The following HHIPL2 variants were observed in gnomAD, a reference collection of about 807,000 sequenced individuals.
HHIPL2 encodes HHIP-like protein 2.
A neutral mutation model predicts 61.0 loss-of-function variants in HHIPL2; 61 were observed. The observed-to-expected ratio is 1.00, with a 90% CI of 0.81 to 1.24. The LOEUF is 1.24. Among genes scored for constraint, HHIPL2 ranks in the 50% most tolerant of loss-of-function variants. HHIPL2 has a pLI of 0.00. For missense variants in HHIPL2, 885 were observed against 910.2 expected (o/e 0.97, Z 0.36); for synonymous variants, 343 against 357.4 (o/e 0.96, Z 0.45).
intron 6 of HHIPL2, 65 bp from the exon 7 acceptor site, chr1:222,527,115 T>C: frequency 7.8e-7 from 1 of 1,285,074 alleles, no homozygotes; most frequent in Non-Finnish European, 1.1e-6. Context: ...CAGAGTTGGA[T>C]GCACAGAAAA....
In HHIPL2 at chr1:222,526,959, C is replaced by G; in HGVS notation, c.1805+10G>C. 6.2e-7 allele frequency: 1 copy of G among 1,606,708 alleles called. No individual in the cohort carries two copies. The highest frequency in any genetic ancestry group is 8.5e-7 in the Non-Finnish European group (1 of 1,174,606). ...AATGCATTTGAGAAGAAAATGACAT[C>G]AAATCTCACCTTGAGGGGTCAACAA... On this transcript the variant is annotated intron_variant, in intron 7 of 8. Transcript: ENST00000343410.
intron 5 of HHIPL2, among the ~76,000 whole-genome samples, chr1:222,537,451 T>G (rs567759542): frequency 1.7e-4 from 25 of 148,308 alleles, no homozygotes; most frequent in African/African-American, 6.2e-4. Flanking sequence ...AGGCTTCAAT[T>G]CAAAAAAAAA....
intron 3 of HHIPL2, among the ~76,000 whole-genome samples, chr1:222,541,232 A>G (rs1659425803): frequency 2.0e-5 from 3 of 152,168 alleles, no homozygotes. Context: ...CAATATTTTT[A>G]TTACTAGGAA....
At chr1:222,541,391 T>C (rs898596936) in intron 3 of HHIPL2, among the ~76,000 whole-genome samples, 3 of 152,174 alleles carry the variant, frequency 2.0e-5, no homozygotes, top group African/African-American at 7.2e-5. Flanking sequence ...CCTCTGTGTC[T>C]CCATTTTCTT....
At chr1:222,532,392 C>A (rs1217520733) in intron 5 of HHIPL2, among the ~76,000 whole-genome samples, 2 of 152,162 alleles carry the variant, frequency 1.3e-5, no homozygotes, top group Non-Finnish European at 2.9e-5. Context: ...GCAGGCAGAT[C>A]ACTTGAGGTC....
Position 222,522,852 on chromosome 1 carries a change from T to C in HHIPL2, c.1924A>G (p.Lys642Glu). 1 of 1,614,216 alleles carries C rather than the reference T, an allele frequency of 6.2e-7. No individual in the cohort carries two copies. ...GCACTGGAAGATTTTCTAGCAGCTT[T>C]CTCTGATTGTTCCTTTAGCAAGTCC... ...VLDLLKEQSE[K>E]AARKSSSATL... The change falls in exon 9 of 9, where the codon AAA (lysine) becomes GAA (glutamate). Residue 642 changes from lysine (K) to glutamate (E), a missense_variant. Transcript: ENST00000343410.
chr1:222,525,975 G>A (rs1231991191), intron 7 of HHIPL2, among the ~76,000 whole-genome samples: 2 of 151,812 alleles, frequency 1.3e-5, no homozygotes, highest in African/African-American at 2.4e-5. Flanking sequence ...GTCCAGCCTG[G>A]GAAACAGAGT....
chr1:222,546,786 C>T (rs572279120), intron 1 of HHIPL2, among the ~76,000 whole-genome samples: 1 of 152,298 alleles, frequency 6.6e-6, no homozygotes, highest in East Asian at 1.9e-4. Flanking sequence ...CTCGGTTAAC[C>T]ACTTCACGCC....
intron 6 of HHIPL2, among the ~76,000 whole-genome samples, chr1:222,527,934 C>G (rs1278768346): frequency 1.3e-5 from 2 of 152,134 alleles, no homozygotes; most frequent in Non-Finnish European, 2.9e-5. Flanking sequence ...GTCCACTAAG[C>G]CTCTTTTTCT....
At chr1:222,538,195 GGTGTGTGTGTGTGTGTGTGTGTGT>G (rs373452655) in intron 5 of HHIPL2, among the ~76,000 whole-genome samples, 4 of 136,366 alleles carry the variant, frequency 2.9e-5, no homozygotes, top group East Asian at 2.1e-4. Flanking sequence ...CTCTGGCTGG[GGTGTGTGTGTGTGTGTGTGTGTGT>G]GTGTGTGTGT....
intron 3 of HHIPL2, 121 bp from the exon 4 acceptor site, chr1:222,540,462 G>A: frequency 1.4e-6 from 1 of 739,466 alleles, no homozygotes. Context: ...GATCCCATGG[G>A]AAGATTTGAC....
At chr1:222,538,423 C>T (rs67188853) in intron 5 of HHIPL2, among the ~76,000 whole-genome samples, 7,212 of 146,938 alleles carry the variant, frequency 0.049, 583 homozygotes, top group African/African-American at 0.15. Flanking sequence ...GAGAGAGAGA[C>T]AGAGAGAGAG....
chr1:222,526,790 C>T (rs566137740), intron 7 of HHIPL2, among the ~76,000 whole-genome samples, 179 bp downstream of exon 7: 4 of 151,708 alleles, frequency 2.6e-5, no homozygotes, highest in African/African-American at 7.3e-5. Flanking sequence ...GCAAAGAGAC[C>T]GTTTCCCAAG....
chr1:222,545,995 AG>A (rs1225149915), intron 1 of HHIPL2, among the ~76,000 whole-genome samples: 1 of 152,076 alleles, frequency 6.6e-6, no homozygotes, highest in East Asian at 1.9e-4. Context: ...TAGTCAGCCA[AG>A]ACCGTGCCAC....
chr1:222,536,528 C>A (rs1659305711), intron 5 of HHIPL2, among the ~76,000 whole-genome samples: 1 of 152,140 alleles, frequency 6.6e-6, no homozygotes, highest in Admixed American at 6.5e-5. Context: ...AAACTTCAGG[C>A]CCAGATGGTT....
chr1:222,525,292 G>T lies in HHIPL2; in HGVS notation c.1806-1598C>A, dbSNP rs146341753. On this transcript the variant is annotated intron_variant, in intron 7 of 8. Transcript: ENST00000343410. ...AAAGAGAACTCCCCACCAAGGCATCGTCAACCATCAGAAGCACTTTAAAGA... is the reference window on the plus strand; with the variant it reads ...AAAGAGAACTCCCCACCAAGGCATCTTCAACCATCAGAAGCACTTTAAAGA... The T allele has an allele frequency of 2.0e-5, 3 of 152,254 alleles. No individual in the cohort carries two copies. In the South Asian group the frequency reaches 6.2e-4, roughly 32 times the overall value. The allele number at this position is 152,254 out of a possible 1,614,324, so 9.4% of individuals were successfully genotyped here.
At chr1:222,528,312 T>C (rs529831065) in intron 6 of HHIPL2, among the ~76,000 whole-genome samples, 2 of 152,268 alleles carry the variant, frequency 1.3e-5, no homozygotes, top group South Asian at 2.1e-4. Flanking sequence ...AATTAGAAAG[T>C]GTTAGATAAC....
chr1:222,523,275 T>G (rs1444680351), intron 8 of HHIPL2, among the ~76,000 whole-genome samples: 5 of 152,242 alleles, frequency 3.3e-5, no homozygotes, highest in Admixed American at 6.5e-5. Flanking sequence ...CTACATGTCA[T>G]AGGCTTTAAG....
At chr1:222,525,604 G>A (rs1334349826) in intron 7 of HHIPL2, among the ~76,000 whole-genome samples, 1 of 152,142 alleles carries the variant, frequency 6.6e-6, no homozygotes, top group African/African-American at 2.4e-5. Context: ...TCCAGATATG[G>A]GTAACATAAG....
Sources: gnomAD v4.1 joint callset for allele counts (sites outside exome capture counted in the v4.1 genomes callset) on GRCh38, gnomAD v4.1.1 for gene constraint, MANE v1.5 for transcripts, NCBI Gene and HGNC (gene_info 2026-07-23, HGNC 2026-07-21) for gene names.